UBE2O: variants seen among roughly 807,000 people sequenced by gnomAD.
The protein encoded by UBE2O is ubiquitin conjugating enzyme E2 O.
Under a neutral mutation model 125.8 loss-of-function variants are expected in UBE2O, and 15 were observed. The observed-to-expected ratio is 0.12, with a 90% CI of 0.08 to 0.18. The LOEUF (loss-of-function observed/expected upper bound fraction) is 0.18. Ranked by LOEUF, UBE2O falls within the 10% of genes least tolerant of loss-of-function variation. The pLI, the probability that UBE2O is intolerant of heterozygous loss-of-function variation, is 1.00. For missense variants in UBE2O, 1,280 were observed against 1,723.6 expected, an observed-to-expected ratio of 0.74 and a Z score of 4.56; for synonymous variants, 708 against 703.2, an observed-to-expected ratio of 1.01 and a Z score of -0.11.
At position 76,452,908 on chromosome 17, in the gene UBE2O, C is replaced by T; in HGVS notation, c.234G>A (p.Leu78=). The T allele has an allele frequency of 6.7e-7, 1 of 1,496,516 alleles. No homozygotes were observed. The highest frequency in any genetic ancestry group is 8.9e-7 in the Non-Finnish European group (1 of 1,122,194). The allele number at this position is 1,496,516 out of a possible 1,614,324, so 92.7% of individuals were successfully genotyped here. A position where few individuals can be genotyped will look rare whatever the true frequency, so the allele number is the denominator to read the frequency against. The part of the protein sequence containing the change: ...GRYRGSVHFG[L]VRLIHGEDSD... The stretch of plus-strand genomic sequence containing the variant: ...AGTCCTCGCCGTGGATGAGGCGCAC[C>T]AGCCCGAAGTGCACGGAGCCACGGT... The change falls in exon 1 of 18, where the codon CTG becomes CTA. Residue 78 remains leucine, a synonymous_variant. Transcript: ENST00000319380. This position sits in a 1 kb window ranked among gnomAD's most constrained non-coding sequence, Gnocchi z 4.4.
At chr17:76,421,245 C>T (rs757386982) in intron 1 of UBE2O, among the ~76,000 whole-genome samples, 9 of 152,328 alleles carry the variant, frequency 5.9e-5, no homozygotes, top group South Asian at 2.1e-4. Flanking sequence ...AAAGAAGTGA[C>T]GGCCTGCTGT....
rs773063832 is a variant in UBE2O, at chr17:76,399,720, G to T, written c.1357C>A (p.Pro453Thr). Residue 453 changes from proline (P) to threonine (T), a missense_variant, in exon 9 of 18, where the codon CCC becomes ACC. Pro to Thr is a conservative substitution (Grantham distance 38, BLOSUM62 -1). This residue lies in a region of UBE2O where 141 missense variants were observed against 141.3 expected (regional missense o/e 1.00). Coordinates refer to ENST00000319380, the MANE Select transcript of UBE2O (RefSeq NM_022066.4). This position sits in a 1 kb window ranked among gnomAD's most constrained non-coding sequence, Gnocchi z 6.9. Reference sequence around the variant, plus strand: ...GGCAGCTGCTCTCCTGCCTCGTGGGGCTCCTCTGCACCCTCGTCCTGCATC... The same window carrying T: ...GGCAGCTGCTCTCCTGCCTCGTGGGTCTCCTCTGCACCCTCGTCCTGCATC... ...VEMQDEGAEE[P>T]HEAGEQLPPF... The T allele has an allele frequency of 1.2e-6, 2 of 1,613,972 alleles. No homozygotes were observed. The highest frequency in any genetic ancestry group is 2.7e-5 in the African/African-American group (2 of 74,896).
intron 1 of UBE2O, among the ~76,000 whole-genome samples, chr17:76,446,461 A>G: frequency 8.4e-6 from 1 of 119,112 alleles, no homozygotes; most frequent in Non-Finnish European, 1.7e-5. Flanking sequence ...ACAAAAACAA[A>G]CAAAAAAAAA....
chr17:76,418,480 G>C (rs998774302), intron 1 of UBE2O, among the ~76,000 whole-genome samples: 9 of 152,138 alleles, frequency 5.9e-5, no homozygotes, highest in African/African-American at 1.7e-4. Context: ...AGGAAGTTTA[G>C]ATATTCAATT....
chr17:76,448,666 GC>G (rs2143926308), intron 1 of UBE2O, among the ~76,000 whole-genome samples: 1 of 152,334 alleles, frequency 6.6e-6, no homozygotes, highest in African/African-American at 2.4e-5. Context: ...AAGCATAAAC[GC>G]TTTGCCTCCG....
At chr17:76,445,681 G>A (rs890076003) in intron 1 of UBE2O, among the ~76,000 whole-genome samples, 4 of 152,196 alleles carry the variant, frequency 2.6e-5, no homozygotes, top group African/African-American at 4.8e-5. Flanking sequence ...TATAGCTAAC[G>A]AATGAAACAA....
At chr17:76,426,504 C>CT (rs779406266) in intron 1 of UBE2O, among the ~76,000 whole-genome samples, 6 of 152,162 alleles carry the variant, frequency 3.9e-5, no homozygotes, top group Non-Finnish European at 7.3e-5. Flanking sequence ...TCTTTGCTCT[C>CT]TTTCTTTTAG....
intron 1 of UBE2O, among the ~76,000 whole-genome samples, chr17:76,448,311 GT>G (rs2073182024): frequency 6.6e-6 from 1 of 152,162 alleles, no homozygotes; most frequent in Non-Finnish European, 1.5e-5. Flanking sequence ...CTGCATCTTG[GT>G]TAACCTTATA....
At chr17:76,408,248 C>T (rs1036462032) in intron 1 of UBE2O, among the ~76,000 whole-genome samples, 2 of 152,344 alleles carry the variant, frequency 1.3e-5, no homozygotes, top group Non-Finnish European at 2.9e-5. Flanking sequence ...GTGCTCCTGG[C>T]GAATGCAAGA....
rs770260088 is a variant in UBE2O at position 76,395,868 on chromosome 17, G to C, written c.2810-7C>G. ...TTCTTAAAAGAATGATTTGCTAGAG[G>C]GGGGAAGAGAATAGTCAGTCCCTCA... is the stretch of plus-strand genomic sequence containing the variant. On this transcript the variant is annotated splice_polypyrimidine_tract_variant and splice_region_variant and intron_variant, in intron 14 of 17. Transcript: ENST00000319380. This position sits in a 1 kb window ranked among gnomAD's most constrained non-coding sequence, Gnocchi z 5.0. 35 of 1,614,008 alleles carry C rather than the reference G, an allele frequency of 2.2e-5. No individual in the cohort carries two copies. Among genetic ancestry groups the C allele is most frequent in the Admixed American group, 3.3e-5 (2 of 60,006 alleles).
chr17:76,425,200 T>C (rs1037834497), intron 1 of UBE2O, among the ~76,000 whole-genome samples: 1 of 136,634 alleles, frequency 7.3e-6, no homozygotes, highest in Non-Finnish European at 1.5e-5. Flanking sequence ...TTTTAAAATG[T>C]GGTCACTTCT....
intron 12 of UBE2O, 62 bp from the exon 13 acceptor site, chr17:76,397,950 C>A (rs2072245623): frequency 6.4e-7 from 1 of 1,562,316 alleles, no homozygotes; most frequent in African/African-American, 1.3e-5. Context: ...CCAGCCCCTC[C>A]TGTGCTCTGC....
intron 1 of UBE2O, among the ~76,000 whole-genome samples, chr17:76,413,355 A>C (rs1182556989): frequency 1.3e-5 from 2 of 152,156 alleles, no homozygotes. Flanking sequence ...GTAGAATGGC[A>C]TATTCCCCAA....
chr17:76,390,763 G>GA lies in UBE2O; in HGVS notation c.*179dup. ...CCTGTTGAAAGCTCGCTTCAAAATA[G>GA]AAACGGCAGCATCTCAACACACTTC... On this transcript the variant is annotated 3_prime_UTR_variant, in exon 18 of 18. Transcript: ENST00000319380. The GA allele has an allele frequency of 3.6e-6, 2 of 554,666 alleles. No homozygotes were observed. Among genetic ancestry groups the GA allele is most frequent in the Non-Finnish European group, 6.0e-6 (2 of 335,010 alleles). 34.4% of individuals were successfully genotyped at this position (554,666 alleles called of 1,614,324 possible).
chr17:76,427,738 C>T (rs1454350504), intron 1 of UBE2O, among the ~76,000 whole-genome samples: 1 of 152,224 alleles, frequency 6.6e-6, no homozygotes, highest in African/African-American at 2.4e-5. Context: ...TGGATGTTTT[C>T]CACTGTTCAC....
At chr17:76,436,645 C>T (rs2073002138) in intron 1 of UBE2O, among the ~76,000 whole-genome samples, 1 of 152,132 alleles carries the variant, frequency 6.6e-6, no homozygotes, top group Non-Finnish European at 1.5e-5. Context: ...CCTCTCTACT[C>T]AAAAGTGCTA....
At chr17:76,434,339 A>C (rs1462834575) in intron 1 of UBE2O, among the ~76,000 whole-genome samples, 3 of 152,176 alleles carry the variant, frequency 2.0e-5, no homozygotes, top group Non-Finnish European at 4.4e-5. Context: ...AGCACAGAAA[A>C]GGAAAGTGAG....
intron 1 of UBE2O, among the ~76,000 whole-genome samples, chr17:76,435,105 T>TGCAC (rs747445568): frequency 6.6e-6 from 1 of 152,088 alleles, no homozygotes; most frequent in Non-Finnish European, 1.5e-5. Flanking sequence ...AGGGATGAGA[T>TGCAC]GCACCAAGCC....
At position 76,452,788 on chromosome 17, in the gene UBE2O, G is replaced by A. The variant is rs1280442139; in HGVS notation, c.354C>T (p.Arg118=). Residue 118 remains arginine, a synonymous_variant, in exon 1 of 18, where the codon CGC becomes CGT. Coordinates refer to ENST00000319380, the MANE Select transcript of UBE2O (RefSeq NM_022066.4). This position sits in a 1 kb window ranked among gnomAD's most constrained non-coding sequence, Gnocchi z 4.4. The part of the protein sequence containing the change: ...GHEEGRASPL[R]RGYVRVQWYP... ...ACCACTGGACGCGCACGTAGCCGCG[G>A]CGCAGGGGGCTGGCCCGGCCCTCCT... 6.6e-7 allele frequency: 1 copy of A among 1,523,600 alleles called. No individual in the cohort carries two copies. The highest frequency in any genetic ancestry group is 8.8e-7 in the Non-Finnish European group (1 of 1,141,888). 94.4% of individuals were successfully genotyped at this position (1,523,600 alleles called of 1,614,324 possible). A position where few individuals can be genotyped will look rare whatever the true frequency, so the allele number is the denominator to read the frequency against.
Sources: allele counts gnomAD v4.1 joint callset (sites outside exome capture counted in the v4.1 genomes callset), GRCh38; gene constraint gnomAD v4.1.1; regional missense constraint gnomAD v4.1.1; non-coding constraint Gnocchi (gnomAD v3.1); transcripts MANE v1.5; gene names NCBI Gene and HGNC (gene_info 2026-07-23, HGNC 2026-07-21).